PAXBP1: variants seen among roughly 807,000 people sequenced by gnomAD.
PAXBP1 encodes the protein PAX3 and PAX7 binding protein 1.
In PAXBP1, 44 loss-of-function variants were observed where a neutral mutation model predicts 119.9. The observed-to-expected ratio is 0.37, with a 90% confidence interval of 0.29 to 0.47. The LOEUF (loss-of-function observed/expected upper bound fraction) is 0.47. PAXBP1 is among the 20% of genes least tolerant of loss of function. The pLI, the probability that PAXBP1 is intolerant of heterozygous loss-of-function variation, is 0.99. For missense variants in PAXBP1, 898 were observed against 1,134.1 expected, an observed-to-expected ratio of 0.79 and a Z score of 2.99; for synonymous variants, 393 against 406.6, an observed-to-expected ratio of 0.97 and a Z score of 0.40.
Position 32,751,156 on chromosome 21 carries a change from G to C in PAXBP1, c.1570C>G (p.His524Asp). The change falls in exon 9 of 18, where the codon CAT (histidine) becomes GAT (aspartate). Residue 524 changes from histidine (H) to aspartate (D), a missense_variant. This residue lies in a region of PAXBP1 where 599 missense variants were observed against 852.7 expected (regional missense o/e 0.70). Coordinates refer to ENST00000331923, the MANE Select transcript of PAXBP1 (RefSeq NM_016631.4). The stretch of plus-strand genomic sequence containing the variant: ...CGCTCTGCAATGCGACGTTTTGCAT[G>C]CTCTTGATACAGTGCCCGATCGCGT... ...FGRDRALYQE[H>D]AKRRIAEREA... 1 of 1,614,004 alleles carries C rather than the reference G, an allele frequency of 6.2e-7. No homozygotes were observed. The highest frequency in any genetic ancestry group is 1.1e-5 in the South Asian group (1 of 91,086).
intron 5 of PAXBP1, among the ~76,000 whole-genome samples, 157 bp downstream of exon 5, chr21:32,760,902 C>CGTGCGTGCGTGTGT (rs1491165069): frequency 4.2e-4 from 54 of 127,786 alleles, no homozygotes; most frequent in East Asian, 4.2e-3. Context: ...TGCGTGCGTG[C>CGTGCGTGCGTGTGT]GTGTGTGTGT....
intron 15 of PAXBP1, among the ~76,000 whole-genome samples, chr21:32,739,945 A>G (rs919590240): frequency 1.6e-5 from 2 of 125,000 alleles, no homozygotes; most frequent in Non-Finnish European, 3.4e-5. Context: ...CTTTAAAAAA[A>G]AAAAAAAAAA....
intron 4 of PAXBP1, 29 bp from the exon 5 acceptor site, chr21:32,761,191 A>C (rs202103216): frequency 1.3e-6 from 2 of 1,553,836 alleles, no homozygotes; most frequent in African/African-American, 1.4e-5. Flanking sequence ...AAGAAAAGTA[A>C]GTAACACCCA....
rs765886456 is a variant in PAXBP1, at chr21:32,771,359, C to T, written c.310G>A (p.Ala104Thr). ...TCGTCCTGGAAGCTGAGCAGGCTGG[C>T]CCGGGGCACCTCTTTGTTCTCGCGA... ...RPRENKEVPR[A>T]SLLSFQDEEE... is the part of the protein sequence containing the mutation. Residue 104 changes from alanine (A) to threonine (T), a missense_variant, in exon 1 of 18, where the codon GCC (alanine) becomes ACC (threonine). Ala to Thr is a moderately conservative substitution (Grantham distance 58). Transcript: ENST00000331923. 21 of 1,585,408 alleles carry T rather than the reference C, an allele frequency of 1.3e-5. No homozygotes were observed. Among genetic ancestry groups the T allele is most frequent in the African/African-American group, 2.7e-5 (2 of 72,768 alleles).
chr21:32,749,797 G>A (rs1569159416), intron 10 of PAXBP1, among the ~76,000 whole-genome samples: 1 of 152,088 alleles, frequency 6.6e-6, no homozygotes, highest in Non-Finnish European at 1.5e-5. Context: ...ATACAGACCA[G>A]TCTAGAATAT....
chr21:32,743,512 T>C (rs2146475269), intron 14 of PAXBP1, among the ~76,000 whole-genome samples, 166 bp downstream of exon 14: 1 of 152,266 alleles, frequency 6.6e-6, no homozygotes, highest in South Asian at 2.1e-4. Context: ...AACGTAAGAG[T>C]ATTGTTTTAT....
chr21:32,739,938 TAAAAAAAAAA>T (rs756477858), intron 15 of PAXBP1, among the ~76,000 whole-genome samples: 45 of 47,046 alleles, frequency 9.6e-4, no homozygotes, highest in Admixed American at 1.3e-3. Context: ...CTCGTCTCTT[TAAAAAAAAAA>T]AAAAAAAAAA....
intron 10 of PAXBP1, among the ~76,000 whole-genome samples, chr21:32,749,714 T>C (rs1322300680): frequency 1.3e-5 from 2 of 152,132 alleles, no homozygotes; most frequent in Admixed American, 1.3e-4. Context: ...TAAATCTAAT[T>C]AAGCCTTCAG....
chr21:32,740,991 T>G (rs1002436108), intron 15 of PAXBP1, among the ~76,000 whole-genome samples: 3 of 152,194 alleles, frequency 2.0e-5, no homozygotes, highest in Admixed American at 1.3e-4. Flanking sequence ...CTCAACACTG[T>G]CATTAGGGAA....
intron 6 of PAXBP1, chr21:32,759,498 C>T (rs544347834): frequency 1.1e-5 from 7 of 609,086 alleles, no homozygotes; most frequent in Non-Finnish European, 2.0e-5. Flanking sequence ...GCTTTTCCCC[C>T]CATAGCGTGA....
intron 15 of PAXBP1, among the ~76,000 whole-genome samples, chr21:32,739,734 G>A (rs987048641): frequency 1.7e-4 from 26 of 151,262 alleles, no homozygotes; most frequent in Non-Finnish European, 3.2e-4. Context: ...ATGAAACCCC[G>A]TCTCTACTAA....
Position 32,764,515 on chromosome 21 carries a change from GGTT to G in PAXBP1, c.479_481del (p.Gln160del). 6.3e-7 allele frequency: 1 copy of G among 1,586,350 alleles called. No homozygotes were observed. The highest frequency in any genetic ancestry group is 8.6e-7 in the Non-Finnish European group (1 of 1,169,034). On this transcript the variant is annotated inframe_deletion, in exon 3 of 18. Transcript: ENST00000331923. ...CTTAACATGTCCTGTTTTGTCCAAA[GGTT>G]GTTCACCTAAATTTTTGAAGAATTA...
At chr21:32,757,969 A>T (rs975915083) in intron 7 of PAXBP1, among the ~76,000 whole-genome samples, 1 of 152,228 alleles carries the variant, frequency 6.6e-6, no homozygotes, top group African/African-American at 2.4e-5. Flanking sequence ...ATCATAACTC[A>T]GACTGCAGCT....
At chr21:32,742,015 CAA>C (rs1362855799) in intron 15 of PAXBP1, among the ~76,000 whole-genome samples, 1 of 152,148 alleles carries the variant, frequency 6.6e-6, no homozygotes, top group Non-Finnish European at 1.5e-5. Context: ...CAGCCAGACT[CAA>C]AAGACTTTGC....
At chr21:32,738,037 G>C in intron 16 of PAXBP1, 136 bp downstream of exon 16, 1 of 829,018 alleles carries the variant, frequency 1.2e-6, no homozygotes, top group South Asian at 2.3e-5. Flanking sequence ...ACCTGGGTAG[G>C]CAAACTGTCA....
Position 32,759,411 on chromosome 21 carries a change from CTT to C in PAXBP1, c.1194-144_1194-143del, listed in dbSNP as rs1569164198. 3 of 897,778 alleles carry C rather than the reference CTT, an allele frequency of 3.3e-6. No homozygotes were observed. In the African/African-American group the frequency reaches 5.1e-5, roughly 15 times the overall value. The allele number at this position is 897,778 out of a possible 1,614,324, so 55.6% of individuals were successfully genotyped here. On this transcript the variant is annotated intron_variant, in intron 6 of 17. Transcript: ENST00000331923. ...GAATGGCATCTTTTCCTCTGTACTG[CTT>C]TTTTTCTCAAAAAACAAAAAATGGC...
Position 32,764,595 on chromosome 21 carries a change from T to C in PAXBP1, c.473-71A>G, listed in dbSNP as rs928919518. 8 of 1,229,894 alleles carry C rather than the reference T, an allele frequency of 6.5e-6. No homozygotes were observed. The African/African-American group carries it at 1.2e-4, about 19-fold the overall frequency. The allele number at this position is 1,229,894 out of a possible 1,614,324, so 76.2% of individuals were successfully genotyped here. A position where few individuals can be genotyped will look rare whatever the true frequency, so the allele number is the denominator to read the frequency against. On this transcript the variant is annotated intron_variant, in intron 2 of 17. Transcript: ENST00000331923. ...ATTAAGAAAGTTTATTCCAATGGTA[T>C]TGACATCATTAAAAATTTTTTTAAT...
chr21:32,750,906 A>C lies in PAXBP1; in HGVS notation c.1723+11T>G. On this transcript the variant is annotated intron_variant, in intron 10 of 17. Coordinates refer to ENST00000331923, the MANE Select transcript of PAXBP1 (RefSeq NM_016631.4). Reference sequence around the variant, plus strand: ...CTGATGATGAGTCTTATTTCCAAATAAATGTCTAACCTTTTTCCAGATTGA... The same window carrying C: ...CTGATGATGAGTCTTATTTCCAAATCAATGTCTAACCTTTTTCCAGATTGA... 1 of 1,586,572 alleles carries C rather than the reference A, an allele frequency of 6.3e-7. No homozygotes were observed. The highest frequency in any genetic ancestry group is 8.6e-7 in the Non-Finnish European group (1 of 1,160,246).
chr21:32,737,123 T>C (rs1409252595), intron 17 of PAXBP1, 131 bp downstream of exon 17: 1 of 714,772 alleles, frequency 1.4e-6, no homozygotes, highest in Non-Finnish European at 2.0e-6. Flanking sequence ...ATGTGCATTT[T>C]TGGTAGGTTT....
Sources: allele counts gnomAD v4.1 joint callset (sites outside exome capture counted in the v4.1 genomes callset), GRCh38; gene constraint gnomAD v4.1.1; regional missense constraint gnomAD v4.1.1; transcripts MANE v1.5; gene names NCBI Gene and HGNC (gene_info 2026-07-23, HGNC 2026-07-21).